DAGLA: variants seen among roughly 807,000 people sequenced by gnomAD.
DAGLA encodes the protein diacylglycerol lipase-alpha.
Under a neutral mutation model 102.6 loss-of-function variants are expected in DAGLA, and 22 were observed. The ratio of observed to expected loss-of-function variants is 0.21; its 90% CI spans 0.15 to 0.31. The LOEUF (loss-of-function observed/expected upper bound fraction) is 0.31, where lower values mean the gene tolerates loss of function less well. Among genes scored for constraint, DAGLA ranks in the 10% least tolerant of loss-of-function variants. The probability of loss-of-function intolerance (pLI) is 1.00; values close to 1 mark genes in which losing one functional copy is unlikely to be tolerated. For missense variants in DAGLA, 927 were observed against 1,446.6 expected, an observed-to-expected ratio of 0.64 and a Z score of 5.83; for synonymous variants, 578 against 628.9, an observed-to-expected ratio of 0.92 and a Z score of 1.21.
intron 1 of DAGLA, among the ~76,000 whole-genome samples, chr11:61,680,948 A>G (rs1038923557): frequency 6.6e-6 from 1 of 151,902 alleles, no homozygotes; most frequent in Non-Finnish European, 1.5e-5. Context: ...GGGTGTTGGG[A>G]TGGTTCTGGC....
At chr11:61,683,217 A>C (rs2064959276) in intron 1 of DAGLA, among the ~76,000 whole-genome samples, 1 of 152,198 alleles carries the variant, frequency 6.6e-6, no homozygotes, top group African/African-American at 2.4e-5. Flanking sequence ...CCCAGGCTGC[A>C]GTGTCAAGCC....
intron 5 of DAGLA, among the ~76,000 whole-genome samples, chr11:61,724,459 C>G (rs950653760): frequency 1.3e-5 from 2 of 152,208 alleles, no homozygotes; most frequent in African/African-American, 4.8e-5. Flanking sequence ...GGGCAGGTCA[C>G]CTGCCGTGGG....
At chr11:61,728,018 T>C (rs908584536) in intron 6 of DAGLA, 135 bp from the exon 7 acceptor site, 5 of 990,950 alleles carry the variant, frequency 5.0e-6, no homozygotes, top group Non-Finnish European at 7.7e-6. Flanking sequence ...GTGGAGGTGC[T>C]GGGGAGAACC....
At chr11:61,729,486 G>GCA (rs1257110168) in intron 8 of DAGLA, among the ~76,000 whole-genome samples, 3 of 151,834 alleles carry the variant, frequency 2.0e-5, no homozygotes, top group Non-Finnish European at 4.4e-5. Context: ...CCAGGGCCCA[G>GCA]TACAGCCCAG....
At position 61,743,563 on chromosome 11, in the gene DAGLA, G is replaced by A; in HGVS notation, c.2203G>A (p.Gly735Ser). 1 of 1,545,866 alleles carries A rather than the reference G, an allele frequency of 6.5e-7. No individual in the cohort carries two copies. Among genetic ancestry groups the A allele is most frequent in the East Asian group, 2.3e-5 (1 of 44,416 alleles). The change falls in exon 20 of 20, where the codon GGC (glycine) becomes AGC (serine). Residue 735 changes from glycine (G) to serine (S), a missense_variant. Physicochemically the swap from Gly to Ser is moderately conservative, Grantham distance 56. Transcript: ENST00000257215. ...GTCCCAGTCTGAGATGAGCCTGGAG[G>A]GCTTCTCGGAGGGGCGGCTGCTGTC... ...SKSQSEMSLE[G>S]FSEGRLLSPV...
Position 61,736,405 on chromosome 11 carries a change from A to G in DAGLA, c.1371+55A>G, listed in dbSNP as rs191135693. 1,446 of 1,405,102 alleles carry G rather than the reference A, an allele frequency of 1.0e-3. 17 individuals are homozygous for G. Among genetic ancestry groups the G allele is most frequent in the South Asian group, 9.7e-3 (844 of 86,720 alleles). 87.0% of individuals were successfully genotyped at this position (1,405,102 alleles called of 1,614,324 possible). ...TTCACACCTGGGTCCCCCTCCTCCA[A>G]CGCAGCACAGAGAGGAGAGGATGGA... On this transcript the variant is annotated intron_variant, in intron 13 of 19. Transcript: ENST00000257215.
chr11:61,698,516 G>C (rs972914923), intron 1 of DAGLA, among the ~76,000 whole-genome samples: 2 of 152,190 alleles, frequency 1.3e-5, no homozygotes, highest in African/African-American at 2.4e-5. Flanking sequence ...TTCTGATAGT[G>C]GGTGAAGCTT....
Position 61,728,146 on chromosome 11 carries a change from C to G in DAGLA, c.637-7C>G, listed in dbSNP as rs1370310731. On this transcript the variant is annotated splice_region_variant and splice_polypyrimidine_tract_variant and intron_variant, in intron 6 of 19. Transcript: ENST00000257215. ...GCCACTGCCTCCTGCCTTCCTGGAC[C>G]TCGTAGGATGCCTACTCAGAAATCG... 1 of 1,613,808 alleles carries G rather than the reference C, an allele frequency of 6.2e-7. No homozygotes were observed. The highest frequency in any genetic ancestry group is 8.5e-7 in the Non-Finnish European group (1 of 1,179,836).
intron 5 of DAGLA, among the ~76,000 whole-genome samples, 189 bp from the exon 6 acceptor site, chr11:61,725,806 G>A (rs1197370423): frequency 6.6e-6 from 1 of 152,188 alleles, no homozygotes; most frequent in East Asian, 1.9e-4. Flanking sequence ...GAGGGCCCCT[G>A]CTGGCCAGCA....
chr11:61,723,007 C>A (rs368496501), intron 4 of DAGLA, 47 bp downstream of exon 4: 4 of 1,446,664 alleles, frequency 2.8e-6, no homozygotes, highest in Non-Finnish European at 3.9e-6. Flanking sequence ...CCCGGGGGCA[C>A]AGGGGACGAG....
rs1275173552 is a variant in DAGLA, at chr11:61,743,476, T to A, written c.2172-56T>A. The A allele has an allele frequency of 2.2e-6, 3 of 1,392,736 alleles. No homozygotes were observed. In the East Asian group the frequency reaches 7.1e-5, roughly 33 times the overall value. The allele number at this position is 1,392,736 out of a possible 1,614,324, so 86.3% of individuals were successfully genotyped here. A position where few individuals can be genotyped will look rare whatever the true frequency, so the allele number is the denominator to read the frequency against. On this transcript the variant is annotated intron_variant, in intron 19 of 19. Transcript: ENST00000257215. ...GTTCCTTTTAGCCAGGGAGCTGGGG[T>A]TCAGTCCCCTCTCCCTTCTGAGTCT...
intron 3 of DAGLA, among the ~76,000 whole-genome samples, chr11:61,721,218 AC>A: frequency 6.6e-6 from 1 of 151,714 alleles, no homozygotes; most frequent in East Asian, 1.9e-4. Flanking sequence ...ACATGGGGAA[AC>A]CCCGTCTCTA....
chr11:61,710,238 G>C (rs2065182973), intron 1 of DAGLA, among the ~76,000 whole-genome samples: 2 of 151,960 alleles, frequency 1.3e-5, no homozygotes, highest in Admixed American at 1.3e-4. Flanking sequence ...TGGCAGGGGG[G>C]CCATCTGGGG....
At chr11:61,741,914 C>T (rs2065484031) in intron 19 of DAGLA, among the ~76,000 whole-genome samples, 2 of 152,094 alleles carry the variant, frequency 1.3e-5, no homozygotes, top group Admixed American at 1.3e-4. Flanking sequence ...GGCCGGCCTG[C>T]ACAGATTCAC....
At position 61,737,777 on chromosome 11, in the gene DAGLA, A is replaced by G. The variant is rs748848664; in HGVS notation, c.1583+22A>G. Reference sequence around the variant, plus strand: ...CCAGGTGAGTCCTTGGCCCCGCTCCATGGTCCCTTGCCAGGCTGTTCCTCC... The same window carrying G: ...CCAGGTGAGTCCTTGGCCCCGCTCCGTGGTCCCTTGCCAGGCTGTTCCTCC... On this transcript the variant is annotated intron_variant, in intron 15 of 19. Transcript: ENST00000257215. 65 of 1,610,680 alleles carry G rather than the reference A, an allele frequency of 4.0e-5. 1 individual carries two copies. Among genetic ancestry groups the G allele is most frequent in the Admixed American group, 8.3e-5 (5 of 59,990 alleles).
intron 1 of DAGLA, among the ~76,000 whole-genome samples, chr11:61,707,245 G>A (rs1383811123): frequency 6.6e-6 from 1 of 152,258 alleles, no homozygotes; most frequent in Non-Finnish European, 1.5e-5. Context: ...AGAGGCCGCA[G>A]AAGTGACAGC....
intron 6 of DAGLA, among the ~76,000 whole-genome samples, chr11:61,726,677 T>G (rs1411396845): frequency 1.3e-5 from 2 of 152,132 alleles, no homozygotes; most frequent in East Asian, 1.9e-4. Flanking sequence ...ATTTTACAGA[T>G]CAGGCAGCTG....
chr11:61,723,429 C>G lies in DAGLA; in HGVS notation c.410-5C>G. The G allele has an allele frequency of 1.2e-6, 2 of 1,610,610 alleles. No individual in the cohort carries two copies. Among genetic ancestry groups the G allele is most frequent in the Admixed American group, 1.7e-5 (1 of 59,950 alleles). On this transcript the variant is annotated splice_region_variant and splice_polypyrimidine_tract_variant and intron_variant, in intron 4 of 19. Coordinates refer to ENST00000257215, the MANE Select transcript of DAGLA (RefSeq NM_006133.3). ...CTACCTAATGCCTCCCACTGCTGCC[C>G]GCAGGAATGGTTGTCTGCAACTGGG...
chr11:61,726,443 C>T (rs1032790657), intron 6 of DAGLA, among the ~76,000 whole-genome samples: 3 of 152,238 alleles, frequency 2.0e-5, no homozygotes, highest in South Asian at 2.1e-4. Flanking sequence ...CTGGCAAAGC[C>T]GATAGGCGTT....
Sources: allele counts gnomAD v4.1 joint callset (sites outside exome capture counted in the v4.1 genomes callset), GRCh38; gene constraint gnomAD v4.1.1; transcripts MANE v1.5; gene names NCBI Gene and HGNC (gene_info 2026-07-23, HGNC 2026-07-21).